CCDC39: variants seen among roughly 807,000 people sequenced by gnomAD.
CCDC39 encodes the protein coiled-coil domain-containing protein 39.
A neutral mutation model predicts 121.0 loss-of-function variants in CCDC39; 113 were observed. The observed-to-expected ratio is 0.93, with a 90% CI of 0.80 to 1.09. The LOEUF (loss-of-function observed/expected upper bound fraction) is 1.09, where lower values mean the gene tolerates loss of function less well. Ranked by LOEUF, CCDC39 falls within the 50% of genes least tolerant of loss-of-function variation. CCDC39 has a pLI of 0.00. For synonymous variants in CCDC39, 349 were observed against 352.2 expected (o/e 0.99, Z 0.10); for missense variants, 1,063 against 1,074.7 (o/e 0.99, Z 0.15).
At position 180,652,163 on chromosome 3, in the gene CCDC39, C is replaced by T. The variant is rs1445203962; in HGVS notation, c.1034G>A (p.Arg345Lys). Reference sequence around the variant, plus strand: ...CATATTTAGATAGTTTTTTTCTTACCTTGCTGTTTCTTCATGAATGTCCTT... The same window carrying T: ...CATATTTAGATAGTTTTTTTCTTACTTTGCTGTTTCTTCATGAATGTCCTT... ...IKKDIHEETA[R>K]LQKTKNHNEI... is the part of the protein sequence containing the mutation. Residue 345 changes from arginine to lysine, a missense_variant and splice_region_variant, in exon 8 of 20, where the codon AGG (arginine) becomes AAG (lysine). By Grantham distance (26) the Arg-to-Lys change is conservative. Coordinates refer to ENST00000476379, the MANE Select transcript of CCDC39 (RefSeq NM_181426.2). 3 of 1,457,746 alleles carry T rather than the reference C, an allele frequency of 2.1e-6. No homozygotes were observed. Among genetic ancestry groups the T allele is most frequent in the African/African-American group, 1.4e-5 (1 of 69,370 alleles). The allele number at this position is 1,457,746 out of a possible 1,614,324, so 90.3% of individuals were successfully genotyped here.
intron 13 of CCDC39, among the ~76,000 whole-genome samples, chr3:180,634,142 GCCACCCCACC>G (rs892610268): frequency 2.6e-5 from 4 of 151,620 alleles, no homozygotes; most frequent in African/African-American, 4.8e-5. Flanking sequence ...CAGCAGTACA[GCCACCCCACC>G]CCACCCCACC....
chr3:180,643,592 G>A (rs1368107238), intron 12 of CCDC39, among the ~76,000 whole-genome samples: 3 of 152,128 alleles, frequency 2.0e-5, no homozygotes, highest in Non-Finnish European at 4.4e-5. Context: ...ACTACTGATA[G>A]GAGTATTAAT....
At chr3:180,624,743 A>T (rs1717517896) in intron 14 of CCDC39, among the ~76,000 whole-genome samples, 1 of 152,084 alleles carries the variant, frequency 6.6e-6, no homozygotes, top group African/African-American at 2.4e-5. Context: ...TATGAAGCTT[A>T]TTCTTGCTGG....
At chr3:180,678,917 T>C (rs1226761311) in intron 1 of CCDC39, among the ~76,000 whole-genome samples, 15 of 152,144 alleles carry the variant, frequency 9.9e-5, no homozygotes, top group Admixed American at 9.2e-4. Flanking sequence ...ACCGTTGCTA[T>C]GCAAACCTCA....
At chr3:180,673,182 G>C (rs1334055590) in intron 1 of CCDC39, among the ~76,000 whole-genome samples, 1 of 152,214 alleles carries the variant, frequency 6.6e-6, no homozygotes, top group South Asian at 2.1e-4. Context: ...AAGGAATTTA[G>C]AATATTACAT....
chr3:180,641,891 G>T, intron 13 of CCDC39, 102 bp downstream of exon 13: 1 of 724,498 alleles, frequency 1.4e-6, no homozygotes, highest in Non-Finnish European at 2.2e-6. Flanking sequence ...CATTTCGAAT[G>T]AGTAAAAACG....
intron 16 of CCDC39, among the ~76,000 whole-genome samples, chr3:180,618,348 T>C (rs1276598711): frequency 6.6e-6 from 1 of 152,154 alleles, no homozygotes; most frequent in African/African-American, 2.4e-5. Context: ...TCTGCAAAGA[T>C]TCACAGTATC....
intron 13 of CCDC39, among the ~76,000 whole-genome samples, chr3:180,636,277 T>A (rs1717825731): frequency 6.6e-6 from 1 of 152,164 alleles, no homozygotes; most frequent in South Asian, 2.1e-4. Flanking sequence ...AAAATCAACG[T>A]ATAAAAATTA....
At chr3:180,618,835 CTT>C (rs1335252185) in intron 16 of CCDC39, among the ~76,000 whole-genome samples, 1 of 152,122 alleles carries the variant, frequency 6.6e-6, no homozygotes, top group African/African-American at 2.4e-5. Context: ...GGTTCCAAGT[CTT>C]TGCTATTGTG....
chr3:180,677,169 T>TATATATATATATATA (rs1712250572), intron 1 of CCDC39, among the ~76,000 whole-genome samples: 1 of 4,552 alleles, frequency 2.2e-4, no homozygotes, highest in Non-Finnish European at 4.3e-4. Flanking sequence ...ATAATAATTT[T>TATATATATATATATA]ATATATATAT....
chr3:180,622,498 G>C (rs906964329), intron 14 of CCDC39, among the ~76,000 whole-genome samples: 1 of 151,950 alleles, frequency 6.6e-6, no homozygotes, highest in Non-Finnish European at 1.5e-5. Context: ...TAATTCTTAC[G>C]GGAAATGCCT....
rs1712332013 is a variant in CCDC39, at chr3:180,679,425, T to C, written c.-45A>G. On this transcript the variant is annotated 5_prime_UTR_variant, in exon 1 of 20. Transcript: ENST00000476379. This position sits in a 1 kb window ranked among gnomAD's most constrained non-coding sequence, Gnocchi z 4.0. ...AGATACAGAGCAAAGATCCGCCTTC[T>C]TGTACAGCGGGTGAGCAGCACCCGC... 2 of 1,565,640 alleles carry C rather than the reference T, an allele frequency of 1.3e-6. No individual in the cohort carries two copies. Among genetic ancestry groups the C allele is most frequent in the Non-Finnish European group, 8.8e-7 (1 of 1,136,056 alleles).
chr3:180,631,062 A>G (rs1166530700), intron 14 of CCDC39, among the ~76,000 whole-genome samples: 3 of 152,228 alleles, frequency 2.0e-5, no homozygotes, highest in Non-Finnish European at 4.4e-5. Context: ...TTAGAGTGAT[A>G]ATAGGTCTTA....
intron 14 of CCDC39, among the ~76,000 whole-genome samples, chr3:180,625,746 A>G (rs922072454): frequency 2.6e-5 from 4 of 151,832 alleles, no homozygotes; most frequent in African/African-American, 9.7e-5. Context: ...GGCAGTACAC[A>G]GGTTCAGTGG....
intron 14 of CCDC39, among the ~76,000 whole-genome samples, chr3:180,628,147 T>G (rs915165909): frequency 8.5e-5 from 13 of 152,132 alleles, no homozygotes; most frequent in African/African-American, 3.1e-4. Flanking sequence ...CTTCATAGCC[T>G]TCAGAGGAAA....
rs749477939 is a variant in CCDC39 at position 180,616,323 on chromosome 3, C to T, written c.2627G>A (p.Arg876His). 2.7e-5 allele frequency: 43 copies of T among 1,613,166 alleles called. No individual in the cohort carries two copies. The highest frequency in any genetic ancestry group is 6.7e-5 in the African/African-American group (5 of 74,848). ...ATGTGAAGGAGATCTAGAGCTCTGACGACTGCCTTTTGTGCTAGCTGTAGG... is the reference window on the plus strand; with the variant it reads ...ATGTGAAGGAGATCTAGAGCTCTGATGACTGCCTTTTGTGCTAGCTGTAGG... ...ELPTASTKGS[R>H]QSSRSPSHTS... The change falls in exon 19 of 20, where the codon CGT (arginine) becomes CAT (histidine). Residue 876 changes from arginine to histidine, a missense_variant. Arg to His is a conservative substitution (Grantham distance 29). Coordinates refer to ENST00000476379, the MANE Select transcript of CCDC39 (RefSeq NM_181426.2).
chr3:180,663,977 G>A lies in CCDC39; in HGVS notation c.100C>T (p.Leu34=), dbSNP rs1432816660. 1 of 1,610,772 alleles carries A rather than the reference G, an allele frequency of 6.2e-7. No individual in the cohort carries two copies. The highest frequency in any genetic ancestry group is 1.3e-5 in the African/African-American group (1 of 74,862). Reference sequence around the variant, plus strand: ...TGCAAGCTTGCTCTTTCATCCTTCAGCTTTGACAACTGTAAATAATAAATA... The same window carrying A: ...TGCAAGCTTGCTCTTTCATCCTTCAACTTTGACAACTGTAAATAATAAATA... The part of the protein sequence containing the change: ...NKLLEDQLSK[L]KDERASLQDE... Residue 34 remains leucine (L), a synonymous_variant, in exon 2 of 20, where the codon CTG becomes TTG. Coordinates refer to ENST00000476379, the MANE Select transcript of CCDC39 (RefSeq NM_181426.2).
intron 11 of CCDC39, among the ~76,000 whole-genome samples, chr3:180,645,830 A>C (rs187934835): frequency 6.6e-6 from 1 of 152,234 alleles, no homozygotes; most frequent in African/African-American, 2.4e-5. Flanking sequence ...CAGAGTTGGA[A>C]TGGCATAAGC....
At chr3:180,647,307 A>T in intron 10 of CCDC39, 64 bp from the exon 11 acceptor site, 1 of 1,370,188 alleles carries the variant, frequency 7.3e-7, no homozygotes, top group Admixed American at 2.7e-5. Flanking sequence ...CAAGTGTAAA[A>T]ACAAAGTGAA....
Sources: gnomAD v4.1 joint callset for allele counts (sites outside exome capture counted in the v4.1 genomes callset) on GRCh38, gnomAD v4.1.1 for gene constraint, Gnocchi (gnomAD v3.1) non-coding constraint, MANE v1.5 for transcripts, NCBI Gene and HGNC (gene_info 2026-07-23, HGNC 2026-07-21) for gene names.